The following FAM184A variants were observed in gnomAD, a reference collection of about 807,000 sequenced individuals.
FAM184A encodes protein FAM184A.
A neutral mutation model predicts 143.8 loss-of-function variants in FAM184A; 99 were observed. That is an observed-to-expected ratio of 0.69 (90% CI 0.58 to 0.81). The LOEUF (loss-of-function observed/expected upper bound fraction) is 0.81. FAM184A is among the 40% of genes least tolerant of loss of function. The pLI, the probability that FAM184A is intolerant of heterozygous loss-of-function variation, is 0.00. For missense variants in FAM184A, 1,217 were observed against 1,310.5 expected (o/e 0.93, Z 1.10); for synonymous variants, 427 against 446.4 (o/e 0.96, Z 0.55).
rs768843238 is a variant in FAM184A, at chr6:119,022,658, T to C, written c.1150+287A>G. ...GGGAGGCTGAGGCAGGGAGACTGCC[T>C]GAGCTCAGGAGTTCGAGACCAGCCT... is the stretch of plus-strand genomic sequence containing the variant. On this transcript the variant is annotated intron_variant, in intron 3 of 17. Coordinates refer to ENST00000338891, the MANE Select transcript of FAM184A (RefSeq NM_024581.6). 7.2e-5 allele frequency among the ~76,000 whole-genome samples: 11 copies of C among 152,150 alleles called. 1 individual carries two copies. The highest frequency in any genetic ancestry group is 1.5e-4 in the Non-Finnish European group (10 of 68,018).
chr6:119,077,474 T>C (rs1162378395), intron 1 of FAM184A, among the ~76,000 whole-genome samples: 1 of 152,216 alleles, frequency 6.6e-6, no homozygotes. Flanking sequence ...GAAAAAAAGT[T>C]CACTAATTTA....
chr6:119,000,593 C>G (rs1292418496), intron 9 of FAM184A, among the ~76,000 whole-genome samples: 1 of 152,160 alleles, frequency 6.6e-6, no homozygotes, highest in African/African-American at 2.4e-5. Context: ...TCTAATTTAA[C>G]TCTCAAGAGA....
intron 11 of FAM184A, among the ~76,000 whole-genome samples, chr6:118,977,755 G>GGAAT (rs1343032441): frequency 6.6e-6 from 1 of 152,070 alleles, no homozygotes; most frequent in African/African-American, 2.4e-5. Context: ...CATGGTAATG[G>GGAAT]GAATGTTCTG....
At chr6:119,080,592 G>A (rs1788034533), upstream of FAM184A, among the ~76,000 whole-genome samples, 1 of 152,094 alleles carries the variant, frequency 6.6e-6, no homozygotes, top group African/African-American at 2.4e-5. Flanking sequence ...TATCCAAAAT[G>A]CTTGGGACCC....
chr6:119,130,193 A>G (rs1198423476), intron 1 of FAM184A, among the ~76,000 whole-genome samples: 1 of 152,224 alleles, frequency 6.6e-6, no homozygotes, highest in Non-Finnish European at 1.5e-5. Context: ...CACATAATTT[A>G]CTTAGAGCCC....
intron 9 of FAM184A, among the ~76,000 whole-genome samples, chr6:118,981,005 G>T (rs969865832): frequency 3.5e-4 from 53 of 152,172 alleles, no homozygotes; most frequent in African/African-American, 1.2e-3. Context: ...AAACCTTTAA[G>T]TTTCTAAAAT....
intron 14 of FAM184A, among the ~76,000 whole-genome samples, chr6:118,973,921 T>C (rs562054637): frequency 1.2e-4 from 19 of 152,256 alleles, no homozygotes; most frequent in Non-Finnish European, 2.5e-4. Context: ...TTAAACAATA[T>C]GTAAGTGGAG....
chr6:119,140,499 TCA>T (rs1772190559), intron 1 of FAM184A, among the ~76,000 whole-genome samples: 1 of 152,200 alleles, frequency 6.6e-6, no homozygotes, highest in African/African-American at 2.4e-5. Context: ...TTTCCCAAAC[TCA>T]CAGGGCGTTT....
chr6:119,078,132 C>T lies in FAM184A; in HGVS notation c.159+9G>A. 1 of 1,581,982 alleles carries T rather than the reference C, an allele frequency of 6.3e-7. No homozygotes were observed. Reference sequence around the variant, plus strand: ...GGGTCGCCACCTGCCCCGTCGCTGCCCCCCTTACCTTGGTGAGCTGGGCGA... The same window carrying T: ...GGGTCGCCACCTGCCCCGTCGCTGCTCCCCTTACCTTGGTGAGCTGGGCGA... On this transcript the variant is annotated intron_variant, in intron 1 of 17. Coordinates refer to ENST00000338891, the MANE Select transcript of FAM184A (RefSeq NM_024581.6). The surrounding 1 kb of genome is among the most constrained non-coding windows in gnomAD (Gnocchi z 5.5).
chr6:118,967,001 T>G, intron 14 of FAM184A, 49 bp from the exon 15 acceptor site: 1 of 871,506 alleles, frequency 1.1e-6, no homozygotes, highest in Non-Finnish European at 1.8e-6. Context: ...AGATACATTC[T>G]TCTGTAATAC....
chr6:118,963,760 C>T (rs1360521952), intron 16 of FAM184A: 1 of 151,124 alleles, frequency 6.6e-6, no homozygotes, highest in Admixed American at 6.6e-5. Context: ...CCTATGAAGC[C>T]AATATATATA....
chr6:119,005,516 GTT>G (rs1344891798), intron 7 of FAM184A: 1 of 152,180 alleles, frequency 6.6e-6, no homozygotes, highest in African/African-American at 2.4e-5. Context: ...TTTACTGAGT[GTT>G]TACTATTTTG....
At chr6:119,015,175 G>T (rs1407409585) in intron 5 of FAM184A, among the ~76,000 whole-genome samples, 5 of 152,146 alleles carry the variant, frequency 3.3e-5, no homozygotes, top group Non-Finnish European at 7.3e-5. Context: ...AGTCCTCAGA[G>T]CCCTCGCTTG....
intron 1 of FAM184A, among the ~76,000 whole-genome samples, chr6:119,122,841 C>CGG (rs1554198202): frequency 4.3e-5 from 6 of 138,214 alleles, no homozygotes; most frequent in African/African-American, 1.1e-4. Flanking sequence ...GGGAGGACTG[C>CGG]TTGAACCTGG....
chr6:119,001,473 T>C (rs1784754176), intron 9 of FAM184A, among the ~76,000 whole-genome samples: 1 of 152,040 alleles, frequency 6.6e-6, no homozygotes, highest in Non-Finnish European at 1.5e-5. Context: ...GGAGCTAATA[T>C]GTAATACATT....
intron 1 of FAM184A, among the ~76,000 whole-genome samples, chr6:119,134,049 C>T (rs183624745): frequency 2.0e-5 from 3 of 151,704 alleles, no homozygotes; most frequent in East Asian, 1.9e-4. Context: ...CACTCAGTTA[C>T]GTTAAGACTA....
At position 119,066,651 on chromosome 6, in the gene FAM184A, T is replaced by C. The variant is rs190628521; in HGVS notation, c.159+11490A>G. ...CATGGTCCTAAATAGAGCAATATTA[T>C]AGTAATGAGCTTGGCTCCAGATCAA... On this transcript the variant is annotated intron_variant, in intron 1 of 17. Transcript: ENST00000338891. Among the ~76,000 whole-genome samples the C allele has an allele frequency of 3.3e-5, 5 of 152,334 alleles. No individual in the cohort carries two copies. The East Asian group carries it at 9.6e-4, about 29-fold the overall frequency.
chr6:119,074,463 T>C (rs921979989), intron 1 of FAM184A, among the ~76,000 whole-genome samples: 3 of 152,168 alleles, frequency 2.0e-5, no homozygotes, highest in South Asian at 2.1e-4. Flanking sequence ...ATTGAGACTT[T>C]TGTGACTTTG....
rs57693047 is a variant in FAM184A at position 119,108,128 on chromosome 6, A to AGTGTGTGTGTGTGTGTGTGTGTGTGT, written c.-202+40949_-202+40950insACACACACACACACACACACACACAC. 8.4e-4 allele frequency among the ~76,000 whole-genome samples: 124 copies of AGTGTGTGTGTGTGTGTGTGTGTGTGT among 147,376 alleles called. 2 individuals carry two copies. Among genetic ancestry groups the AGTGTGTGTGTGTGTGTGTGTGTGTGT allele is most frequent in the African/African-American group, 2.8e-3 (110 of 39,128 alleles). On this transcript the variant is annotated intron_variant, in intron 1 of 16. Coordinates refer to the FAM184A transcript ENST00000352896. ...TTTGAAAGTTTGAGAAGCACTTGTTAGTGTGTGTGTGTGTGTGTGTGTGGT... is the reference window on the plus strand; with the variant it reads ...TTTGAAAGTTTGAGAAGCACTTGTTAGTGTGTGTGTGTGTGTGTGTGTGTGTGTGTGTGTGTGTGTGTGTGTGTGGT...
Sources: allele counts gnomAD v4.1 joint callset (sites outside exome capture counted in the v4.1 genomes callset), GRCh38; gene constraint gnomAD v4.1.1; non-coding constraint Gnocchi (gnomAD v3.1); transcripts MANE v1.5; gene names NCBI Gene and HGNC (gene_info 2026-07-23, HGNC 2026-07-21).